The following SNRPN variants were observed in gnomAD, a reference collection of about 807,000 sequenced individuals.
SNRPN encodes the protein small nuclear ribonucleoprotein polypeptide N, also known as small nuclear ribonucleoprotein-associated protein N.
In SNRPN, 7 loss-of-function variants were observed where a neutral mutation model predicts 25.2. The ratio of observed to expected loss-of-function variants is 0.28; its 90% CI spans 0.16 to 0.52. SNRPN has a LOEUF of 0.52. Ranked by LOEUF, SNRPN falls within the 20% of genes least tolerant of loss-of-function variation. The pLI, the probability that SNRPN is intolerant of heterozygous loss-of-function variation, is 0.96. For missense variants in SNRPN, 196 were observed against 322.5 expected, an observed-to-expected ratio of 0.61 and a Z score of 3.00; for synonymous variants, 124 against 110.6, an observed-to-expected ratio of 1.12 and a Z score of -0.76.
chr15:24,862,245 A>G (rs1440862186), intron 1 of SNRPN, among the ~76,000 whole-genome samples: 1 of 151,194 alleles, frequency 6.6e-6, no homozygotes, highest in Non-Finnish European at 1.5e-5. Flanking sequence ...AATTTTAGAG[A>G]ACAAAATACT....
At chr15:24,862,155 GAAATA>G (rs1400452182) in intron 1 of SNRPN, among the ~76,000 whole-genome samples, 6 of 150,986 alleles carry the variant, frequency 4.0e-5, no homozygotes, top group African/African-American at 9.9e-5. Flanking sequence ...AATAAAATTT[GAAATA>G]AAATAGACTA....
intron 1 of SNRPN, among the ~76,000 whole-genome samples, chr15:24,879,394 G>A (rs1398203499): frequency 6.6e-6 from 1 of 150,392 alleles, no homozygotes; most frequent in Non-Finnish European, 1.5e-5. Context: ...CCGAGATCCC[G>A]CCACTGCACT....
At position 24,922,890 on chromosome 15, in the gene SNRPN, C is replaced by CTTTTTTTTTTTT. The variant is rs71412618; in HGVS notation, c.-391+2781_-391+2792dup. On this transcript the variant is annotated intron_variant, in intron 3 of 11. Coordinates refer to the SNRPN transcript ENST00000400097. ...ATATCTATGCCACAGTAGGCAGATC[C>CTTTTTTTTTTTT]TTTTTTTTTTTTTTTTTTTTTTTTT... Among the ~76,000 whole-genome samples, 24 of 68,180 alleles carry CTTTTTTTTTTTT rather than the reference C, an allele frequency of 3.5e-4. 6 individuals carry two copies. Among genetic ancestry groups the CTTTTTTTTTTTT allele is most frequent in the Admixed American group, 1.4e-3 (5 of 3,696 alleles). The allele number at this position is 68,180 out of a possible 152,430, so 44.7% of individuals were successfully genotyped here. A position where few individuals can be genotyped will look rare whatever the true frequency, so the allele number is the denominator to read the frequency against.
intron 3 of SNRPN, among the ~76,000 whole-genome samples, chr15:24,969,474 C>G (rs1022324405): frequency 5.3e-5 from 8 of 152,154 alleles, no homozygotes; most frequent in Admixed American, 5.2e-4. Flanking sequence ...CTGAGAAATC[C>G]TCCTTTCTTG....
At chr15:24,941,079 C>T (rs1431536713) in intron 3 of SNRPN, among the ~76,000 whole-genome samples, 1 of 152,126 alleles carries the variant, frequency 6.6e-6, no homozygotes. Flanking sequence ...CAGGTTCAAG[C>T]GACTCTCCTA....
upstream of SNRPN, chr15:24,851,563 G>A (rs1417015707): frequency 6.5e-6 from 1 of 153,120 alleles, no homozygotes; most frequent in Non-Finnish European, 1.5e-5. Context: ...GCAGGAGCGG[G>A]AAGGGCAGAC....
At chr15:24,915,121 TA>T (rs2152328581) in intron 2 of SNRPN, among the ~76,000 whole-genome samples, 1 of 151,938 alleles carries the variant, frequency 6.6e-6, no homozygotes, top group South Asian at 2.1e-4. Flanking sequence ...GGTTCTTTTT[TA>T]TATTTATTTA....
intron 5 of SNRPN, 91 bp downstream of exon 5, chr15:24,975,600 A>G (rs1427454830): frequency 1.9e-6 from 2 of 1,073,122 alleles, no homozygotes; most frequent in Non-Finnish European, 2.8e-6. Flanking sequence ...AGGGTAACTG[A>G]AGTAGTTAGG....
In SNRPN at chr15:24,873,395, C is replaced by T. The variant is rs1354690089; in HGVS notation, c.-578-13121C>T. 9.4e-5 allele frequency among the ~76,000 whole-genome samples: 11 copies of T among 117,062 alleles called. 4 individuals carry two copies. The highest frequency in any genetic ancestry group is 3.0e-4 in the East Asian group (1 of 3,358). The allele number at this position is 117,062 out of a possible 152,430, so 76.8% of individuals were successfully genotyped here. ...AGGCTGGAGTGCAATGGCACGATCC[C>T]GACTCACTGCAACCTCTGCCTCCTG... On this transcript the variant is annotated intron_variant, in intron 1 of 11. Coordinates refer to the SNRPN transcript ENST00000400097.
At chr15:24,881,155 C>G (rs2056550043) in intron 1 of SNRPN, among the ~76,000 whole-genome samples, 1 of 151,864 alleles carries the variant, frequency 6.6e-6, no homozygotes, top group Non-Finnish European at 1.5e-5. Flanking sequence ...TACTGCTGCC[C>G]CAGGTAATGC....
Position 24,873,010 on chromosome 15 carries a change from G to T in SNRPN, c.-578-13506G>T, listed in dbSNP as rs183498846. ...CATTGACCTATATCACTGTCCTTAT[G>T]CCAGTACCACAATGTCCTCATTACT... On this transcript the variant is annotated intron_variant, in intron 1 of 11. Transcript: ENST00000400097. Among the ~76,000 whole-genome samples the T allele has an allele frequency of 1.6e-5, 2 of 121,380 alleles. 1 individual carries two copies. Among genetic ancestry groups the T allele is most frequent in the Admixed American group, 1.8e-4 (2 of 10,872 alleles). 79.6% of individuals were successfully genotyped at this position (121,380 alleles called of 152,430 possible). A position where few individuals can be genotyped will look rare whatever the true frequency, so the allele number is the denominator to read the frequency against.
intron 2 of SNRPN, among the ~76,000 whole-genome samples, chr15:24,905,027 C>T (rs998243016): frequency 4.0e-5 from 6 of 148,616 alleles, no homozygotes; most frequent in African/African-American, 1.0e-4. Flanking sequence ...GCAGGAGAAT[C>T]GCTTGAACCC....
chr15:24,934,692 A>G (rs1217717345), intron 3 of SNRPN, among the ~76,000 whole-genome samples: 9 of 152,164 alleles, frequency 5.9e-5, no homozygotes, highest in Admixed American at 3.9e-4. Context: ...AGTAGCTGGA[A>G]GCAGAGGCGT....
At chr15:24,894,290 C>A (rs1412885517) in intron 2 of SNRPN, among the ~76,000 whole-genome samples, 1 of 151,796 alleles carries the variant, frequency 6.6e-6, no homozygotes, top group African/African-American at 2.4e-5. Flanking sequence ...GTGATCTCGG[C>A]TCACTGCAAG....
chr15:24,877,240 A>G (rs900363514), intron 1 of SNRPN, among the ~76,000 whole-genome samples: 1 of 152,192 alleles, frequency 6.6e-6, no homozygotes. Context: ...TAGTTCAATA[A>G]TGAATTCTCC....
In SNRPN at chr15:24,918,689, AC is replaced by A. The variant is rs1214151486; in HGVS notation, c.-504-1321del. Among the ~76,000 whole-genome samples, 11 of 102,778 alleles carry A rather than the reference AC, an allele frequency of 1.1e-4. No homozygotes were observed. The Admixed American group carries it at 1.4e-3, about 13-fold the overall frequency. The allele number at this position is 102,778 out of a possible 152,430, so 67.4% of individuals were successfully genotyped here. ...TAATATATATGTGTGCATATATATA[AC>A]ATAATATATATGTGTGCATATATAT... On this transcript the variant is annotated intron_variant, in intron 2 of 11. Coordinates refer to the SNRPN transcript ENST00000400097.
At chr15:24,885,630 C>T (rs1190046567) in intron 1 of SNRPN, among the ~76,000 whole-genome samples, 3 of 152,072 alleles carry the variant, frequency 2.0e-5, no homozygotes, top group Non-Finnish European at 4.4e-5. Context: ...TCATTTCCCA[C>T]ACCTAAAACC....
At chr15:24,845,148 T>C (rs2052073696) in intron 2 of SNRPN, among the ~76,000 whole-genome samples, 1 of 152,326 alleles carries the variant, frequency 6.6e-6, no homozygotes, top group African/African-American at 2.4e-5. Flanking sequence ...TATGCTATAA[T>C]GCTCCAGTTA....
At chr15:24,889,579 A>G (rs1175831855) in intron 2 of SNRPN, among the ~76,000 whole-genome samples, 1 of 151,452 alleles carries the variant, frequency 6.6e-6, no homozygotes. Context: ...TGCTGGGATT[A>G]CAGGCATGAG....
Sources: gnomAD v4.1 joint callset for allele counts (sites outside exome capture counted in the v4.1 genomes callset) on GRCh38, gnomAD v4.1.1 for gene constraint, MANE v1.5 for transcripts, NCBI Gene and HGNC (gene_info 2026-07-23, HGNC 2026-07-21) for gene names.